CDK2AP1: variants seen among roughly 807,000 people sequenced by gnomAD.
The protein encoded by CDK2AP1 is cyclin-dependent kinase 2-associated protein 1.
Under a neutral mutation model 14.1 loss-of-function variants are expected in CDK2AP1, and 10 were observed. The ratio of observed to expected loss-of-function variants is 0.71; its 90% CI spans 0.44 to 1.20. CDK2AP1 has a LOEUF of 1.20. Among genes scored for constraint, CDK2AP1 ranks in the 50% most tolerant of loss-of-function variants. The probability of loss-of-function intolerance (pLI) is 0.00; values close to 1 mark genes in which losing one functional copy is unlikely to be tolerated. For missense variants in CDK2AP1, 102 were observed against 149.9 expected (o/e 0.68, Z 1.67); for synonymous variants, 59 against 59.8 (o/e 0.99, Z 0.06).
chr12:123,263,227 CAAAA>C (rs1050949603), intron 3 of CDK2AP1, among the ~76,000 whole-genome samples: 2 of 141,784 alleles, frequency 1.4e-5, no homozygotes, highest in Non-Finnish European at 3.1e-5. Flanking sequence ...AAAAAAAAAA[CAAAA>C]AAAAACCACT....
intron 1 of CDK2AP1, among the ~76,000 whole-genome samples, chr12:123,268,871 G>C (rs1265794758): frequency 1.3e-5 from 2 of 152,224 alleles, no homozygotes; most frequent in African/African-American, 2.4e-5. Flanking sequence ...GTGGCAGCAA[G>C]CATGGCATGG....
At chr12:123,263,695 A>C (rs1463870546) in intron 3 of CDK2AP1, among the ~76,000 whole-genome samples, 1 of 152,174 alleles carries the variant, frequency 6.6e-6, no homozygotes, top group Non-Finnish European at 1.5e-5. Flanking sequence ...AAGGTTTCAT[A>C]AACTCCAGAG....
intron 2 of CDK2AP1, 144 bp downstream of exon 2, chr12:123,267,041 G>C: frequency 1.5e-6 from 1 of 654,312 alleles, no homozygotes; most frequent in South Asian, 1.7e-5. Flanking sequence ...GTTCTGAGCA[G>C]GAGCGCAGCC....
intron 2 of CDK2AP1, 25 bp downstream of exon 2, chr12:123,267,160 C>G (rs770620992): frequency 1.5e-6 from 2 of 1,353,310 alleles, no homozygotes; most frequent in South Asian, 1.2e-5. Context: ...GCCCTCCCAC[C>G]ATGCCATCAC....
rs566399675 is a variant in CDK2AP1, at chr12:123,269,498, G to A, written c.55+2066C>T. Among the ~76,000 whole-genome samples, 7 of 152,374 alleles carry A rather than the reference G, an allele frequency of 4.6e-5. No individual in the cohort carries two copies. The East Asian group carries it at 1.2e-3, about 25-fold the overall frequency. ...GCAGACACAGGGACCAGGACACAGG[G>A]ACCACGTCAGCGAAGGCCGTCTCGG... On this transcript the variant is annotated intron_variant, in intron 1 of 3. Coordinates refer to ENST00000261692, the MANE Select transcript of CDK2AP1 (RefSeq NM_004642.4).
Position 123,265,743 on chromosome 12 carries a change from C to A in CDK2AP1, c.154-421G>T, listed in dbSNP as rs1338637972. Among the ~76,000 whole-genome samples, 1 of 152,162 alleles carries A rather than the reference C, an allele frequency of 6.6e-6. No individual in the cohort carries two copies. Among genetic ancestry groups the A allele is most frequent in the African/African-American group, 2.4e-5 (1 of 41,442 alleles). On this transcript the variant is annotated intron_variant, in intron 2 of 3. Coordinates refer to ENST00000261692, the MANE Select transcript of CDK2AP1 (RefSeq NM_004642.4). This position sits in a 1 kb window ranked among gnomAD's most constrained non-coding sequence, Gnocchi z 5.3. ...CCACCCAGTCGTCTCCAGGAAGCAA[C>A]TTTATTATCTCCAATGAACAAAACA...
At chr12:123,269,475 AGACACAGGGACCAG>A (rs1423107719) in intron 1 of CDK2AP1, among the ~76,000 whole-genome samples, 1 of 152,182 alleles carries the variant, frequency 6.6e-6, no homozygotes, top group East Asian at 1.9e-4. Flanking sequence ...TCCTTCCTGC[AGACACAGGGACCAG>A]GACACAGGGA....
chr12:123,264,413 T>C (rs1187740670), intron 3 of CDK2AP1, among the ~76,000 whole-genome samples: 1 of 136,048 alleles, frequency 7.4e-6, no homozygotes, highest in Non-Finnish European at 1.5e-5. Context: ...TGAGCCGAGA[T>C]TGCACCACTG....
chr12:123,267,368 C>G, intron 1 of CDK2AP1, 86 bp from the exon 2 acceptor site: 3 of 786,246 alleles, frequency 3.8e-6, no homozygotes, highest in Middle Eastern at 2.3e-4. Flanking sequence ...AGCCCTTGCC[C>G]AGGACCCACA....
chr12:123,266,645 C>T (rs115403924), intron 2 of CDK2AP1, among the ~76,000 whole-genome samples: 4,173 of 152,262 alleles, frequency 0.027, 199 homozygotes, highest in African/African-American at 0.096. Context: ...ATGAGGAGCC[C>T]GGGTCTTGGG....
At chr12:123,266,010 G>A in intron 2 of CDK2AP1, among the ~76,000 whole-genome samples, 1 of 152,044 alleles carries the variant, frequency 6.6e-6, no homozygotes, top group African/African-American at 2.4e-5. Context: ...CACCACCACT[G>A]GGAGCCCCAC....
intron 1 of CDK2AP1, among the ~76,000 whole-genome samples, chr12:123,269,880 G>A (rs1035649863): frequency 2.0e-5 from 3 of 152,268 alleles, no homozygotes; most frequent in Middle Eastern, 3.4e-3. Context: ...TCTGCAAAGG[G>A]GCCCGTGGGG....
chr12:123,270,855 AGCTGC>A, intron 1 of CDK2AP1: 2 of 984,464 alleles, frequency 2.0e-6, no homozygotes, highest in South Asian at 4.7e-5. Flanking sequence ...GCAGCCCCAG[AGCTGC>A]GCCAACTTCG....
intron 3 of CDK2AP1, among the ~76,000 whole-genome samples, chr12:123,263,082 T>C (rs2048249467): frequency 6.6e-6 from 1 of 151,030 alleles, no homozygotes; most frequent in South Asian, 2.1e-4. Flanking sequence ...GGCGTGGTGG[T>C]GGGCGCCTAT....
chr12:123,263,760 A>T (rs1464869366), intron 3 of CDK2AP1, among the ~76,000 whole-genome samples: 2 of 152,246 alleles, frequency 1.3e-5, no homozygotes, highest in African/African-American at 2.4e-5. Context: ...TCACTGGGGC[A>T]TAACTTCAAC....
intron 1 of CDK2AP1, among the ~76,000 whole-genome samples, chr12:123,269,847 A>G (rs1439090290): frequency 1.3e-5 from 2 of 151,984 alleles, no homozygotes; most frequent in Non-Finnish European, 2.9e-5. Context: ...CTTGGATGCA[A>G]ATGGCAGGAG....
intron 3 of CDK2AP1, among the ~76,000 whole-genome samples, chr12:123,264,650 A>C (rs2048270517): frequency 6.6e-6 from 1 of 151,936 alleles, no homozygotes; most frequent in Admixed American, 6.6e-5. Flanking sequence ...GGACAGTCAC[A>C]CCTTAACACG....
At chr12:123,272,059 G>A (rs1220619912), upstream of CDK2AP1, 1 of 150,100 alleles carries the variant, frequency 6.7e-6, no homozygotes, top group South Asian at 2.1e-4. Context: ...GGGGTGTGCT[G>A]GGGGCCGGTC....
chr12:123,263,158 C>T (rs2048250669), intron 3 of CDK2AP1, among the ~76,000 whole-genome samples: 1 of 150,716 alleles, frequency 6.6e-6, no homozygotes, highest in South Asian at 2.1e-4. Context: ...TTGCAGTGAG[C>T]CGAGATCGCG....
Sources: allele counts gnomAD v4.1 joint callset (sites outside exome capture counted in the v4.1 genomes callset), GRCh38; gene constraint gnomAD v4.1.1; non-coding constraint Gnocchi (gnomAD v3.1); transcripts MANE v1.5; gene names NCBI Gene and HGNC (gene_info 2026-07-23, HGNC 2026-07-21).